Variants in ELMO1 observed in about 807,000 individuals in gnomAD.
ELMO1 encodes the protein engulfment and cell motility 1.
A neutral mutation model predicts 98.9 loss-of-function variants in ELMO1; 26 were observed. The ratio of observed to expected loss-of-function variants is 0.26; its 90% CI spans 0.19 to 0.36. The LOEUF (loss-of-function observed/expected upper bound fraction) is 0.36, where lower values mean the gene tolerates loss of function less well. ELMO1 is among the 10% of genes least tolerant of loss of function. The pLI is 1.00. For missense variants in ELMO1, 627 were observed against 935.2 expected, an observed-to-expected ratio of 0.67 and a Z score of 4.30; for synonymous variants, 346 against 346.0, an observed-to-expected ratio of 1.00 and a Z score of 0.00.
chr7:37,227,951 CATAA>C (rs973494467), intron 8 of ELMO1, among the ~76,000 whole-genome samples: 2 of 152,178 alleles, frequency 1.3e-5, no homozygotes, highest in African/African-American at 4.8e-5. Context: ...TCTTCCTTGA[CATAA>C]ATAAACTAAT....
intron 16 of ELMO1, among the ~76,000 whole-genome samples, chr7:36,937,750 C>T (rs78697260): frequency 1.3e-3 from 198 of 152,274 alleles, no homozygotes; most frequent in African/African-American, 4.3e-3. Flanking sequence ...CCACAATACC[C>T]GTTGTTTAAA....
chr7:37,216,610 C>T lies in ELMO1; in HGVS notation c.831+35G>A, dbSNP rs916342007. The T allele has an allele frequency of 3.7e-6, 6 of 1,612,276 alleles. No homozygotes were observed. The African/African-American group carries it at 8.0e-5, about 22-fold the overall frequency. On this transcript the variant is annotated intron_variant, in intron 11 of 21. Coordinates refer to ENST00000310758, the MANE Select transcript of ELMO1 (RefSeq NM_014800.11). ...TTAACAAATGCACCAGGCCACTCCT[C>T]CCCCACAAAGAGGTCACAGCGCATA...
At chr7:37,329,093 C>T (rs766367236) in intron 2 of ELMO1, among the ~76,000 whole-genome samples, 7 of 152,052 alleles carry the variant, frequency 4.6e-5, no homozygotes, top group Non-Finnish European at 1.0e-4. Flanking sequence ...TCTGGATTTC[C>T]GAAGGCATTT....
intron 4 of ELMO1, among the ~76,000 whole-genome samples, chr7:37,285,965 G>A (rs980687473): frequency 2.0e-5 from 3 of 151,840 alleles, no homozygotes; most frequent in African/African-American, 7.3e-5. Context: ...AGAGCCTGTG[G>A]TCTCAGAAAG....
chr7:37,380,868 A>G (rs1802551239), intron 1 of ELMO1, among the ~76,000 whole-genome samples: 1 of 152,358 alleles, frequency 6.6e-6, no homozygotes, highest in East Asian at 1.9e-4. Context: ...TATTTCCTCC[A>G]TAAGGCACAT....
chr7:37,331,328 C>T (rs192513480), intron 2 of ELMO1, among the ~76,000 whole-genome samples: 8,249 of 57,992 alleles, frequency 0.14, 340 homozygotes, highest in South Asian at 0.21. Flanking sequence ...AGCCGCCACG[C>T]CTGGCTTTTT....
intron 15 of ELMO1, among the ~76,000 whole-genome samples, chr7:37,020,815 T>C (rs1376535070): frequency 6.6e-6 from 1 of 152,202 alleles, no homozygotes; most frequent in Non-Finnish European, 1.5e-5. Flanking sequence ...ACACAATGGA[T>C]GTTTTGTTGT....
intron 16 of ELMO1, chr7:36,986,300 G>A (rs1414198790): frequency 1.0e-6 from 1 of 975,204 alleles, no homozygotes; most frequent in Non-Finnish European, 1.2e-6. Flanking sequence ...TTTCCAGGAA[G>A]AGCTTTTCTC....
At chr7:37,195,321 A>G (rs756924001) in intron 13 of ELMO1, among the ~76,000 whole-genome samples, 3 of 152,288 alleles carry the variant, frequency 2.0e-5, no homozygotes, top group Non-Finnish European at 2.9e-5. Flanking sequence ...ACTGCCTTAA[A>G]TATCATAAAT....
At chr7:36,978,216 A>G (rs973132339) in intron 16 of ELMO1, among the ~76,000 whole-genome samples, 3 of 151,012 alleles carry the variant, frequency 2.0e-5, no homozygotes, top group African/African-American at 7.3e-5. Context: ...CCCTCCCCTC[A>G]CTCCCTGTTG....
intron 7 of ELMO1, among the ~76,000 whole-genome samples, chr7:37,238,379 T>C (rs1468713499): frequency 6.6e-6 from 1 of 152,232 alleles, no homozygotes; most frequent in East Asian, 1.9e-4. Flanking sequence ...TGTTAAAATA[T>C]AAAAATTCAT....
rs117167261 is a variant in ELMO1 at position 37,281,809 on chromosome 7, A to C, written c.193-9927T>G. ...ACAAAACTCATGCCAGCTTCTCAAAAATGATGAGAAAAGCAGCAGAAAGAA... is the reference window on the plus strand; with the variant it reads ...ACAAAACTCATGCCAGCTTCTCAAACATGATGAGAAAAGCAGCAGAAAGAA... On this transcript the variant is annotated intron_variant, in intron 4 of 21. Transcript: ENST00000310758. Among the ~76,000 whole-genome samples, 422 of 152,346 alleles carry C rather than the reference A, an allele frequency of 2.8e-3. 6 individuals carry two copies. In the East Asian group the frequency reaches 0.057, roughly 21 times the overall value.
intron 1 of ELMO1, among the ~76,000 whole-genome samples, chr7:37,397,210 T>C (rs1044028618): frequency 6.6e-6 from 1 of 152,246 alleles, no homozygotes; most frequent in Non-Finnish European, 1.5e-5. Context: ...ACAAAAAACT[T>C]AAAAATACTT....
chr7:37,050,644 ACACACACACACACAC>A, intron 15 of ELMO1, among the ~76,000 whole-genome samples: 3 of 151,446 alleles, frequency 2.0e-5, no homozygotes, highest in Non-Finnish European at 1.5e-5. Flanking sequence ...ACACACACAC[ACACACACACACACAC>A]AAAAGGTAAC....
At chr7:37,306,949 T>G (rs1160673743) in intron 4 of ELMO1, among the ~76,000 whole-genome samples, 1 of 152,186 alleles carries the variant, frequency 6.6e-6, no homozygotes, top group African/African-American at 2.4e-5. Context: ...ATCATATTCC[T>G]AATAATCTCT....
chr7:37,202,747 T>A (rs1792367758), intron 13 of ELMO1, among the ~76,000 whole-genome samples: 1 of 152,014 alleles, frequency 6.6e-6, no homozygotes, highest in African/African-American at 2.4e-5. Flanking sequence ...AGGTGGCCAT[T>A]TTTCCCCATC....
At chr7:37,227,971 CA>C (rs1793958672) in intron 8 of ELMO1, among the ~76,000 whole-genome samples, 1 of 152,220 alleles carries the variant, frequency 6.6e-6, no homozygotes. Flanking sequence ...CTAATCATTT[CA>C]GCAATCCTAA....
At chr7:36,996,000 G>A (rs1384654156) in intron 16 of ELMO1, among the ~76,000 whole-genome samples, 1 of 152,100 alleles carries the variant, frequency 6.6e-6, no homozygotes, top group Non-Finnish European at 1.5e-5. Context: ...GCGTGGTTTG[G>A]GAAGGGAAGT....
intron 15 of ELMO1, among the ~76,000 whole-genome samples, chr7:37,062,881 A>C (rs1276097252): frequency 1.3e-5 from 2 of 152,160 alleles, no homozygotes; most frequent in Non-Finnish European, 2.9e-5. Flanking sequence ...TGAGCAGCTC[A>C]CTGCAGGCTA....
Sources: allele counts gnomAD v4.1 joint callset (sites outside exome capture counted in the v4.1 genomes callset), GRCh38; gene constraint gnomAD v4.1.1; transcripts MANE v1.5; gene names NCBI Gene and HGNC (gene_info 2026-07-23, HGNC 2026-07-21).